The following HOXD4 variants were observed in gnomAD, a reference collection of about 807,000 sequenced individuals.
HOXD4 encodes homeobox protein Hox-D4.
Under a neutral mutation model 22.6 loss-of-function variants are expected in HOXD4, and 15 were observed. That is an observed-to-expected ratio of 0.67 (90% CI 0.45 to 1.02). HOXD4 has a LOEUF of 1.02. Among genes scored for constraint, HOXD4 ranks in the 50% least tolerant of loss-of-function variants. HOXD4 has a pLI of 0.00. For missense variants in HOXD4, 350 were observed against 346.6 expected (o/e 1.01, Z -0.08); for synonymous variants, 176 against 157.0 (o/e 1.12, Z -0.90).
In HOXD4 at chr2:176,153,000, G is replaced by A. The variant is rs1382097152; in HGVS notation, c.*58G>A. 8.4e-6 allele frequency: 13 copies of A among 1,547,730 alleles called. No homozygotes were observed. The highest frequency in any genetic ancestry group is 1.2e-5 in the Non-Finnish European group (13 of 1,120,054). ...CACCAGGCTGAGCCGAAGCTGCGGG[G>A]GCAGGCCGGGCCTGCTGTCACCTCG... On this transcript the variant is annotated 3_prime_UTR_variant, in exon 2 of 2. Transcript: ENST00000306324. This position sits in a 1 kb window ranked among gnomAD's most constrained non-coding sequence, Gnocchi z 5.2.
Position 176,151,606 on chromosome 2 carries a change from A to T in HOXD4, c.-28A>T. ...GGAGAAAAAAAGACAACACGAGAAA[A>T]ATTAGTATTTTCTACCTTCTGAAAT... On this transcript the variant is annotated 5_prime_UTR_variant, in exon 1 of 2. Transcript: ENST00000306324. The T allele has an allele frequency of 6.3e-7, 1 of 1,591,588 alleles. No homozygotes were observed. Among genetic ancestry groups the T allele is most frequent in the Non-Finnish European group, 8.6e-7 (1 of 1,160,792 alleles).
chr2:176,151,712 G>T lies in HOXD4; in HGVS notation c.79G>T (p.Gly27Cys). The change falls in exon 1 of 2, where the codon GGC (glycine) becomes TGC (cysteine). Residue 27 changes from glycine (G) to cysteine (C), a missense_variant. Coordinates refer to ENST00000306324, the MANE Select transcript of HOXD4 (RefSeq NM_014621.3). ...TCCGTGCGAGGAGTATTTGCAGGGC[G>T]GCTACCTAGGCGAGCAGGGCGCCGA... ...FPPCEEYLQGGYLGEQGADYY... is the reference protein window; with the variant it reads ...FPPCEEYLQGCYLGEQGADYY... 1 of 1,613,556 alleles carries T rather than the reference G, an allele frequency of 6.2e-7. No individual in the cohort carries two copies. The highest frequency in any genetic ancestry group is 1.3e-5 in the African/African-American group (1 of 75,062).
rs766920993 is a variant in HOXD4 at position 176,151,648 on chromosome 2, G to A, written c.15G>A (p.Ser5=). The change falls in exon 1 of 2, where the codon TCG becomes TCA. Residue 5 remains serine (S), a synonymous_variant. Coordinates refer to ENST00000306324, the MANE Select transcript of HOXD4 (RefSeq NM_014621.3). ...TTCTGAAATTAATGGTCATGAGTTCGTATATGGTGAACTCCAAGTATGTGG... is the reference window on the plus strand; with the variant it reads ...TTCTGAAATTAATGGTCATGAGTTCATATATGGTGAACTCCAAGTATGTGG... MVMS[S]YMVNSKYVDP... The A allele has an allele frequency of 3.3e-5, 53 of 1,612,338 alleles. No individual in the cohort carries two copies. The Admixed American group carries it at 5.5e-4, about 17-fold the overall frequency.
chr2:176,153,137 G>A lies in HOXD4; in HGVS notation c.*195G>A, dbSNP rs540913179. On this transcript the variant is annotated 3_prime_UTR_variant, in exon 2 of 2. Coordinates refer to ENST00000306324, the MANE Select transcript of HOXD4 (RefSeq NM_014621.3). ...CCCTAGAGCGGGATGGGGATGGGAG[G>A]GGGGGCGGGATTCTCTCTCTAAGTA... 1.9e-5 allele frequency: 10 copies of A among 516,726 alleles called. No individual in the cohort carries two copies. The highest frequency in any genetic ancestry group is 1.8e-4 in the South Asian group (9 of 49,994). 32.0% of individuals were successfully genotyped at this position (516,726 alleles called of 1,614,324 possible).
Position 176,153,047 on chromosome 2 carries a change from G to T in HOXD4, c.*105G>T. 2.6e-6 allele frequency: 3 copies of T among 1,148,796 alleles called. No individual in the cohort carries two copies. The highest frequency in any genetic ancestry group is 3.9e-6 in the Non-Finnish European group (3 of 772,194). 71.2% of individuals were successfully genotyped at this position (1,148,796 alleles called of 1,614,324 possible). ...CTCGCTGGGCTCTAAGGTACTGTGG[G>T]GTGGACCTGGGACAAGCAGGCCGCC... On this transcript the variant is annotated 3_prime_UTR_variant, in exon 2 of 2. Transcript: ENST00000306324.
Position 176,152,716 on chromosome 2 carries a change from G to T in HOXD4, c.542G>T (p.Arg181Met), listed in dbSNP as rs768625570. Reference protein sequence around the residue: ...KEFHFNRYLTRRRRIEIAHTL... With the variant: ...KEFHFNRYLTMRRRIEIAHTL... ...TTTCATTTTAACAGGTATCTGACAA[G>T]GCGCCGTCGGATTGAAATCGCTCAC... The change falls in exon 2 of 2, where the codon AGG (arginine) becomes ATG (methionine). Residue 181 changes from arginine (R) to methionine (M), a missense_variant. Physicochemically the swap from Arg to Met is moderately conservative, Grantham distance 91. Coordinates refer to ENST00000306324, the MANE Select transcript of HOXD4 (RefSeq NM_014621.3). This position sits in a 1 kb window ranked among gnomAD's most constrained non-coding sequence, Gnocchi z 5.2. 6.2e-7 allele frequency: 1 copy of T among 1,614,218 alleles called. No individual in the cohort carries two copies. The highest frequency in any genetic ancestry group is 8.5e-7 in the Non-Finnish European group (1 of 1,180,030).
Position 176,152,970 on chromosome 2 carries a change from C to T in HOXD4, c.*28C>T, listed in dbSNP as rs1395571486. On this transcript the variant is annotated 3_prime_UTR_variant, in exon 2 of 2. Coordinates refer to ENST00000306324, the MANE Select transcript of HOXD4 (RefSeq NM_014621.3). This position sits in a 1 kb window ranked among gnomAD's most constrained non-coding sequence, Gnocchi z 5.2. ...GTGGGGACCCTGGGCCCATCTCTCC[C>T]TGCGCACCAGGCTGAGCCGAAGCTG... 6.2e-7 allele frequency: 1 copy of T among 1,605,316 alleles called. No individual in the cohort carries two copies. Among genetic ancestry groups the T allele is most frequent in the South Asian group, 1.1e-5 (1 of 90,902 alleles).
At position 176,152,137 on chromosome 2, in the gene HOXD4, G is replaced by T; in HGVS notation, c.433+71G>T. 3.0e-6 allele frequency: 4 copies of T among 1,337,968 alleles called. No homozygotes were observed. In the South Asian group the frequency reaches 4.8e-5, roughly 16 times the overall value. The allele number at this position is 1,337,968 out of a possible 1,614,324, so 82.9% of individuals were successfully genotyped here. A position where few individuals can be genotyped will look rare whatever the true frequency, so the allele number is the denominator to read the frequency against. The stretch of plus-strand genomic sequence containing the variant: ...TAGCCTGGGTCCTCTGGAAGGGGGT[G>T]CGAGTAGGTGGGGGCGTGTGGAGCT... On this transcript the variant is annotated intron_variant, in intron 1 of 1. Transcript: ENST00000306324. This position sits in a 1 kb window ranked among gnomAD's most constrained non-coding sequence, Gnocchi z 5.2.
At position 176,151,776 on chromosome 2, in the gene HOXD4, C is replaced by T; in HGVS notation, c.143C>T (p.Pro48Leu). The T allele has an allele frequency of 1.2e-6, 2 of 1,612,582 alleles. No homozygotes were observed. Among genetic ancestry groups the T allele is most frequent in the Non-Finnish European group, 1.7e-6 (2 of 1,179,740 alleles). ...GGCGCGCAGGGCGCAGACTTCCAGC[C>T]CCCGGGGCTCTACCCACGGCCCGAC... ...GGGAQGADFQ[P>L]PGLYPRPDFG... Residue 48 changes from proline to leucine, a missense_variant, in exon 1 of 2, where the codon CCC becomes CTC. Transcript: ENST00000306324.
Position 176,153,131 on chromosome 2 carries a change from TGGGAG to T in HOXD4, c.*193_*197del. 2.9e-6 allele frequency: 1 copy of T among 347,152 alleles called. No individual in the cohort carries two copies. Among genetic ancestry groups the T allele is most frequent in the South Asian group, 2.1e-5 (1 of 47,408 alleles). 21.5% of individuals were successfully genotyped at this position (347,152 alleles called of 1,614,324 possible). On this transcript the variant is annotated 3_prime_UTR_variant, in exon 2 of 2. Coordinates refer to ENST00000306324, the MANE Select transcript of HOXD4 (RefSeq NM_014621.3). ...CCCCCTCCCTAGAGCGGGATGGGGA[TGGGAG>T]GGGGGGCGGGATTCTCTCTCTAAGT...
rs1690560210 is a variant in HOXD4, at chr2:176,152,518, CG to C, written c.434-86del. 3 of 1,160,312 alleles carry C rather than the reference CG, an allele frequency of 2.6e-6. No individual in the cohort carries two copies. Among genetic ancestry groups the C allele is most frequent in the Non-Finnish European group, 2.6e-6 (2 of 782,832 alleles). 71.9% of individuals were successfully genotyped at this position (1,160,312 alleles called of 1,614,324 possible). On this transcript the variant is annotated intron_variant, in intron 1 of 1. Transcript: ENST00000306324. This position sits in a 1 kb window ranked among gnomAD's most constrained non-coding sequence, Gnocchi z 5.2. ...AGCGCGCGGGGAGGGCCGCGGGCCT[CG>C]GGGCGCGCCAGGAAGTGAGCGGCGG...
At position 176,152,282 on chromosome 2, in the gene HOXD4, A is replaced by C. The variant is rs1426938880; in HGVS notation, c.433+216A>C. Among the ~76,000 whole-genome samples, 1 of 110,060 alleles carries C rather than the reference A, an allele frequency of 9.1e-6. No individual in the cohort carries two copies. 72.2% of individuals were successfully genotyped at this position (110,060 alleles called of 152,430 possible). ...GGGGGTGGGGATGGGGGGGTGGGGG[A>C]GGACTCCATTTTCAGAGCAGGGGGA... is the stretch of plus-strand genomic sequence containing the variant. On this transcript the variant is annotated intron_variant, in intron 1 of 1. Coordinates refer to ENST00000306324, the MANE Select transcript of HOXD4 (RefSeq NM_014621.3). This position sits in a 1 kb window ranked among gnomAD's most constrained non-coding sequence, Gnocchi z 5.2.
chr2:176,153,093 T>G lies in HOXD4; in HGVS notation c.*151T>G. The G allele has an allele frequency of 1.2e-5, 5 of 413,270 alleles. No individual in the cohort carries two copies. Among genetic ancestry groups the G allele is most frequent in the East Asian group, 7.1e-5 (1 of 14,140 alleles). The allele number at this position is 413,270 out of a possible 1,614,324, so 25.6% of individuals were successfully genotyped here. A position where few individuals can be genotyped will look rare whatever the true frequency, so the allele number is the denominator to read the frequency against. On this transcript the variant is annotated 3_prime_UTR_variant, in exon 2 of 2. Coordinates refer to ENST00000306324, the MANE Select transcript of HOXD4 (RefSeq NM_014621.3). ...CCGCCCTCGGACTAGGTTAGCATCC[T>G]GCCCGAGGGCAGCCCCCTCCCTAGA...
chr2:176,153,051 G>T lies in HOXD4; in HGVS notation c.*109G>T. 1 of 984,430 alleles carries T rather than the reference G, an allele frequency of 1.0e-6. No individual in the cohort carries two copies. The highest frequency in any genetic ancestry group is 1.4e-5 in the South Asian group (1 of 73,718). 61.0% of individuals were successfully genotyped at this position (984,430 alleles called of 1,614,324 possible). Reference sequence around the variant, plus strand: ...CTGGGCTCTAAGGTACTGTGGGGTGGACCTGGGACAAGCAGGCCGCCCTCG... The same window carrying T: ...CTGGGCTCTAAGGTACTGTGGGGTGTACCTGGGACAAGCAGGCCGCCCTCG... On this transcript the variant is annotated 3_prime_UTR_variant, in exon 2 of 2. Coordinates refer to ENST00000306324, the MANE Select transcript of HOXD4 (RefSeq NM_014621.3).
In HOXD4 at chr2:176,152,646, C is replaced by A. The variant is rs1489232007; in HGVS notation, c.472C>A (p.Arg158=). Residue 158 remains arginine (R), a synonymous_variant, in exon 2 of 2, where the codon CGA becomes AGA. Transcript: ENST00000306324. This position sits in a 1 kb window ranked among gnomAD's most constrained non-coding sequence, Gnocchi z 5.2. ...NYTGGEPKRS[R]TAYTRQQVLE... ...CACCGGTGGGGAACCCAAGCGGTCCCGAACGGCCTACACCCGGCAGCAAGT... is the reference window on the plus strand; with the variant it reads ...CACCGGTGGGGAACCCAAGCGGTCCAGAACGGCCTACACCCGGCAGCAAGT... The A allele has an allele frequency of 4.3e-6, 7 of 1,614,094 alleles. No individual in the cohort carries two copies. Among genetic ancestry groups the A allele is most frequent in the Non-Finnish European group, 5.9e-6 (7 of 1,180,016 alleles).
rs759709428 is a variant in HOXD4 at position 176,151,736 on chromosome 2, GACT to G, written c.109_111del (p.Tyr37del). 1.2e-6 allele frequency: 2 copies of G among 1,613,298 alleles called. No homozygotes were observed. The highest frequency in any genetic ancestry group is 2.7e-5 in the African/African-American group (2 of 75,056). ...CGGCTACCTAGGCGAGCAGGGCGCC[GACT>G]ACTACGGCGGCGGCGCGCAGGGCGC... On this transcript the variant is annotated inframe_deletion, in exon 1 of 2. Coordinates refer to ENST00000306324, the MANE Select transcript of HOXD4 (RefSeq NM_014621.3).
At position 176,153,027 on chromosome 2, in the gene HOXD4, T is replaced by G; in HGVS notation, c.*85T>G. 7.8e-7 allele frequency: 1 copy of G among 1,281,630 alleles called. No homozygotes were observed. Among genetic ancestry groups the G allele is most frequent in the Non-Finnish European group, 1.1e-6 (1 of 901,732 alleles). The allele number at this position is 1,281,630 out of a possible 1,614,324, so 79.4% of individuals were successfully genotyped here. A position where few individuals can be genotyped will look rare whatever the true frequency, so the allele number is the denominator to read the frequency against. ...CAGGCCGGGCCTGCTGTCACCTCGC[T>G]GGGCTCTAAGGTACTGTGGGGTGGA... On this transcript the variant is annotated 3_prime_UTR_variant, in exon 2 of 2. Transcript: ENST00000306324.
rs886898435 is a variant in HOXD4, at chr2:176,152,896, T to G, written c.722T>G (p.Leu241Ter). The G allele has an allele frequency of 5.0e-6, 8 of 1,614,070 alleles. No homozygotes were observed. Among genetic ancestry groups the G allele is most frequent in the Non-Finnish European group, 6.8e-6 (8 of 1,180,038 alleles). Residue 241 changes from leucine (L) to a stop codon, truncating the protein, a stop_gained, in exon 2 of 2, where the codon TTA (leucine) becomes TGA (stop). Transcript: ENST00000306324. LOFTEE classifies it high-confidence loss of function. The surrounding 1 kb of genome is among the most constrained non-coding windows in gnomAD (Gnocchi z 5.2). The part of the protein sequence containing the change: ...CSSSVAPSQH[L>*]QPMAKDHHTD... ...TCCTCAGTCGCCCCCAGCCAGCATTTACAGCCGATGGCCAAAGACCACCAC... is the reference window on the plus strand; with the variant it reads ...TCCTCAGTCGCCCCCAGCCAGCATTGACAGCCGATGGCCAAAGACCACCAC...
chr2:176,151,945 G>C lies in HOXD4; in HGVS notation c.312G>C (p.Pro104=), dbSNP rs942388594. The C allele has an allele frequency of 4.3e-6, 7 of 1,609,384 alleles. No homozygotes were observed. The highest frequency in any genetic ancestry group is 1.3e-5 in the African/African-American group (1 of 74,814). The part of the protein sequence containing the change: ...EPCPAPPAPP[P]APLPGARAYS... ...GCCCAGCTCCCCCGGCGCCTCCGCC[G>C]GCGCCCCTGCCTGGCGCCCGGGCCT... Residue 104 remains proline (P), a synonymous_variant, in exon 1 of 2, where the codon CCG becomes CCC. Coordinates refer to ENST00000306324, the MANE Select transcript of HOXD4 (RefSeq NM_014621.3).
Sources: gnomAD v4.1 joint callset for allele counts (sites outside exome capture counted in the v4.1 genomes callset) on GRCh38, gnomAD v4.1.1 for gene constraint, Gnocchi (gnomAD v3.1) non-coding constraint, MANE v1.5 for transcripts, NCBI Gene and HGNC (gene_info 2026-07-23, HGNC 2026-07-21) for gene names.